The following MAFF variants were observed in gnomAD, a reference collection of about 807,000 sequenced individuals.
The protein encoded by MAFF is transcription factor MafF.
Under a neutral mutation model 2.7 loss-of-function variants are expected in MAFF, and 4 were observed. The observed-to-expected ratio is 1.48, with a 90% confidence interval of 0.73 to 3.39. The LOEUF is 3.39. Among genes scored for constraint, MAFF ranks in the 30% most tolerant of loss-of-function variants. MAFF has a pLI of 0.01. For missense variants in MAFF, 190 were observed against 246.6 expected, an observed-to-expected ratio of 0.77 and a Z score of 1.54; for synonymous variants, 113 against 119.4, an observed-to-expected ratio of 0.95 and a Z score of 0.35.
chr22:38,212,204 T>C (rs1668633482), intron 1 of MAFF, among the ~76,000 whole-genome samples: 2 of 152,202 alleles, frequency 1.3e-5, no homozygotes, highest in South Asian at 2.1e-4. Flanking sequence ...TTTTGCCATG[T>C]TGGCCAGGCT....
rs756643749 is a variant in MAFF, at chr22:38,214,623, G to A, written c.240G>A (p.Gln80=). ...VKRVCQKEEL[Q]KQKSELEREV... is the part of the protein sequence containing the mutation. ...GCGTGTGCCAGAAGGAGGAGCTGCA[G>A]AAGCAGAAGTCGGAGCTGGAGCGCG... Residue 80 remains glutamine, a synonymous_variant, in exon 3 of 3, where the codon CAG becomes CAA. Transcript: ENST00000338483. This position sits in a 1 kb window ranked among gnomAD's most constrained non-coding sequence, Gnocchi z 6.3. 3 of 1,572,806 alleles carry A rather than the reference G, an allele frequency of 1.9e-6. No homozygotes were observed. The highest frequency in any genetic ancestry group is 2.3e-5 in the South Asian group (2 of 86,802).
intron 1 of MAFF, chr22:38,204,042 G>A (rs995234472): frequency 2.0e-5 from 3 of 152,270 alleles, no homozygotes; most frequent in African/African-American, 7.2e-5. Context: ...GGGGTCAGGG[G>A]ATGAGGGGAA....
intron 1 of MAFF, among the ~76,000 whole-genome samples, chr22:38,209,213 T>C (rs1031942035): frequency 6.6e-6 from 1 of 151,898 alleles, no homozygotes; most frequent in African/African-American, 2.4e-5. Flanking sequence ...TACAGGTGCC[T>C]GCCACCACAC....
Position 38,215,042 on chromosome 22 carries a change from A to T in MAFF, c.*164A>T, listed in dbSNP as rs1263112686. On this transcript the variant is annotated 3_prime_UTR_variant, in exon 3 of 3. Transcript: ENST00000338483. Reference sequence around the variant, plus strand: ...CCTGTCTTCCTCTTGCAGCCCCCCAAACTGGGACCGAATGACCCTGGGAAG... The same window carrying T: ...CCTGTCTTCCTCTTGCAGCCCCCCATACTGGGACCGAATGACCCTGGGAAG... 15 of 604,636 alleles carry T rather than the reference A, an allele frequency of 2.5e-5. No homozygotes were observed. The highest frequency in any genetic ancestry group is 4.5e-5 in the Non-Finnish European group (15 of 333,812). 37.5% of individuals were successfully genotyped at this position (604,636 alleles called of 1,614,324 possible).
chr22:38,206,755 G>A (rs918448032), intron 1 of MAFF, among the ~76,000 whole-genome samples: 2 of 152,294 alleles, frequency 1.3e-5, no homozygotes, highest in Non-Finnish European at 2.9e-5. Flanking sequence ...AGGCCAGACT[G>A]TGCCTCTGAG....
In MAFF at chr22:38,213,988, G is replaced by A. The variant is rs138816211; in HGVS notation, c.36+99G>A. 1,026 of 1,370,394 alleles carry A rather than the reference G, an allele frequency of 7.5e-4. 17 individuals are homozygous for A. The East Asian group carries it at 0.022, about 29-fold the overall frequency. 84.9% of individuals were successfully genotyped at this position (1,370,394 alleles called of 1,614,324 possible). On this transcript the variant is annotated intron_variant, in intron 2 of 2. Coordinates refer to ENST00000338483, the MANE Select transcript of MAFF (RefSeq NM_012323.4). ...CCCCTTCTTTCCTGGAATCCCCTGG[G>A]TGGCTCAGCAGGCACCAGGCCTTCA... is the stretch of plus-strand genomic sequence containing the variant.
chr22:38,206,615 G>C (rs1032010378), intron 1 of MAFF, among the ~76,000 whole-genome samples: 2 of 152,102 alleles, frequency 1.3e-5, no homozygotes, highest in African/African-American at 4.8e-5. Context: ...GCCTCCCAAA[G>C]TGCTGGGATT....
At chr22:38,205,000 A>G (rs1050059319) in intron 1 of MAFF, among the ~76,000 whole-genome samples, 4 of 152,012 alleles carry the variant, frequency 2.6e-5, no homozygotes, top group African/African-American at 9.7e-5. Context: ...CATGGTCCAG[A>G]TGAAGGAGGA....
In MAFF at chr22:38,213,833, C is replaced by T. The variant is rs1173591427; in HGVS notation, c.-21C>T. ...TCCTTTCTACCCTAGGTCTGCAGCC[C>T]AGAGGGCACCTTCTGCAAACATGTC... On this transcript the variant is annotated 5_prime_UTR_variant, in exon 2 of 3. Coordinates refer to ENST00000338483, the MANE Select transcript of MAFF (RefSeq NM_012323.4). 15 of 1,613,738 alleles carry T rather than the reference C, an allele frequency of 9.3e-6. No individual in the cohort carries two copies. The highest frequency in any genetic ancestry group is 1.3e-5 in the African/African-American group (1 of 75,044).
At chr22:38,210,277 C>T (rs544567127) in intron 1 of MAFF, among the ~76,000 whole-genome samples, 29 of 152,300 alleles carry the variant, frequency 1.9e-4, no homozygotes, top group African/African-American at 6.7e-4. Flanking sequence ...TCTCTGCAAG[C>T]GCCAACTTCC....
At position 38,214,814 on chromosome 22, in the gene MAFF, C is replaced by A. The variant is rs769751288; in HGVS notation, c.431C>A (p.Pro144Gln). The A allele has an allele frequency of 3.1e-5, 46 of 1,490,408 alleles. No individual in the cohort carries two copies. In the South Asian group the frequency reaches 4.6e-4, roughly 15 times the overall value. The allele number at this position is 1,490,408 out of a possible 1,614,324, so 92.3% of individuals were successfully genotyped here. Reference sequence around the variant, plus strand: ...GTCATCACCATCGTCAAGTCCACCCCGGGCTCGGGGTCTGGCCCCGCCCAC... The same window carrying A: ...GTCATCACCATCGTCAAGTCCACCCAGGGCTCGGGGTCTGGCCCCGCCCAC... Reference protein sequence around the residue: ...ASVITIVKSTPGSGSGPAHGP... With the variant: ...ASVITIVKSTQGSGSGPAHGP... The change falls in exon 3 of 3, where the codon CCG (proline) becomes CAG (glutamine). Residue 144 changes from proline (P) to glutamine (Q), a missense_variant. Transcript: ENST00000338483. This position sits in a 1 kb window ranked among gnomAD's most constrained non-coding sequence, Gnocchi z 6.3.
At position 38,202,264 on chromosome 22, in the gene MAFF, G is replaced by A. The variant is rs1175461246; in HGVS notation, c.-32+52G>A. On this transcript the variant is annotated intron_variant, in intron 1 of 2. Transcript: ENST00000338483. This position sits in a 1 kb window ranked among gnomAD's most constrained non-coding sequence, Gnocchi z 7.4. Reference sequence around the variant, plus strand: ...GTGCGCGGGACCCCAAGGCGGCAGGGTTTCTGCGTCCCGGGATGCGCCTGG... The same window carrying A: ...GTGCGCGGGACCCCAAGGCGGCAGGATTTCTGCGTCCCGGGATGCGCCTGG... The A allele has an allele frequency of 1.3e-5, 2 of 152,234 alleles. No individual in the cohort carries two copies. The highest frequency in any genetic ancestry group is 2.9e-5 in the Non-Finnish European group (2 of 68,082). 9.4% of individuals were successfully genotyped at this position (152,234 alleles called of 1,614,324 possible). A position where few individuals can be genotyped will look rare whatever the true frequency, so the allele number is the denominator to read the frequency against.
At chr22:38,208,899 GA>G (rs1288610252) in intron 1 of MAFF, among the ~76,000 whole-genome samples, 2 of 151,928 alleles carry the variant, frequency 1.3e-5, no homozygotes, top group Non-Finnish European at 2.9e-5. Flanking sequence ...CGGGTGGGAG[GA>G]AGTGAAAGAA....
At chr22:38,209,408 C>T (rs572853348) in intron 1 of MAFF, among the ~76,000 whole-genome samples, 2 of 152,182 alleles carry the variant, frequency 1.3e-5, no homozygotes, top group East Asian at 3.9e-4. Context: ...TGGTCAGATT[C>T]GCGTGGTGCA....
intron 1 of MAFF, among the ~76,000 whole-genome samples, chr22:38,209,677 G>C (rs113109186): frequency 1.3e-5 from 2 of 152,008 alleles, no homozygotes; most frequent in Non-Finnish European, 2.9e-5. Flanking sequence ...GCTGGGCGTG[G>C]TGGTAGGCGC....
At chr22:38,211,800 G>A (rs568100915) in intron 1 of MAFF, among the ~76,000 whole-genome samples, 3 of 152,270 alleles carry the variant, frequency 2.0e-5, no homozygotes, top group South Asian at 2.1e-4. Flanking sequence ...GAGACACCCC[G>A]GTCCTGCCAG....
chr22:38,204,871 C>T (rs983560907), intron 1 of MAFF, among the ~76,000 whole-genome samples: 1 of 152,030 alleles, frequency 6.6e-6, no homozygotes, highest in African/African-American at 2.4e-5. Flanking sequence ...GGGCCAAGCA[C>T]GGACAGGCTC....
intron 1 of MAFF, among the ~76,000 whole-genome samples, chr22:38,212,698 G>A (rs1000593906): frequency 2.0e-5 from 3 of 152,178 alleles, no homozygotes; most frequent in African/African-American, 7.2e-5. Context: ...GCAGCCCCCA[G>A]GAGGTTGGGA....
rs549002356 is a variant in MAFF at position 38,214,243 on chromosome 22, T to G, written c.37-177T>G. Among the ~76,000 whole-genome samples the G allele has an allele frequency of 5.2e-5, 8 of 152,384 alleles. No individual in the cohort carries two copies. The East Asian group carries it at 1.4e-3, about 26-fold the overall frequency. On this transcript the variant is annotated intron_variant, in intron 2 of 2. Coordinates refer to ENST00000338483, the MANE Select transcript of MAFF (RefSeq NM_012323.4). This position sits in a 1 kb window ranked among gnomAD's most constrained non-coding sequence, Gnocchi z 6.3. ...GCTGAGCCCCGGGGTGGCCTCCTTTTGTGTCCCGATCCTAGTCTGGCCCGG... is the reference window on the plus strand; with the variant it reads ...GCTGAGCCCCGGGGTGGCCTCCTTTGGTGTCCCGATCCTAGTCTGGCCCGG...
Sources: gnomAD v4.1 joint callset for allele counts (sites outside exome capture counted in the v4.1 genomes callset) on GRCh38, gnomAD v4.1.1 for gene constraint, Gnocchi (gnomAD v3.1) non-coding constraint, MANE v1.5 for transcripts, NCBI Gene and HGNC (gene_info 2026-07-23, HGNC 2026-07-21) for gene names.